Variants in PTPRT observed in about 807,000 individuals in gnomAD.
The protein encoded by PTPRT is protein tyrosine phosphatase receptor type T.
A neutral mutation model predicts 176.8 loss-of-function variants in PTPRT; 56 were observed. That is an observed-to-expected ratio of 0.32 (90% CI 0.26 to 0.40). The LOEUF is 0.40. Ranked by LOEUF, PTPRT falls within the 10% of genes least tolerant of loss-of-function variation. The probability of loss-of-function intolerance (pLI) is 1.00; values close to 1 mark genes in which losing one functional copy is unlikely to be tolerated. For synonymous variants in PTPRT, 783 were observed against 739.0 expected (o/e 1.06, Z -0.96); for missense variants, 1,540 against 1,908.2 (o/e 0.81, Z 3.60).
At chr20:42,268,393 A>G (rs1463491659) in intron 13 of PTPRT, among the ~76,000 whole-genome samples, 1 of 152,194 alleles carries the variant, frequency 6.6e-6, no homozygotes, top group Non-Finnish European at 1.5e-5. Context: ...CTCGACTGGA[A>G]TAGAGCCTAG....
intron 1 of PTPRT, among the ~76,000 whole-genome samples, chr20:43,053,863 A>T (rs1454226977): frequency 1.3e-5 from 2 of 152,228 alleles, no homozygotes; most frequent in Non-Finnish European, 2.9e-5. Context: ...GGAACAGAAG[A>T]AATGGAGGAA....
At chr20:42,671,933 C>T (rs2075419894) in intron 7 of PTPRT, among the ~76,000 whole-genome samples, 2 of 152,218 alleles carry the variant, frequency 1.3e-5, no homozygotes, top group African/African-American at 2.4e-5. Context: ...ATGGAAGAGG[C>T]AGTTATCTGC....
At chr20:42,124,693 C>A (rs964525247) in intron 19 of PTPRT, among the ~76,000 whole-genome samples, 4 of 152,178 alleles carry the variant, frequency 2.6e-5, no homozygotes, top group African/African-American at 9.7e-5. Context: ...AGTTAGCTGT[C>A]TGGAGTACTG....
intron 2 of PTPRT, among the ~76,000 whole-genome samples, chr20:42,822,382 C>T (rs1000188384): frequency 2.0e-5 from 3 of 152,144 alleles, no homozygotes; most frequent in Admixed American, 6.6e-5. Context: ...CTTCCTTATA[C>T]CTTATAGAAA....
chr20:43,186,720 T>C (rs1007349001), intron 1 of PTPRT, among the ~76,000 whole-genome samples: 7 of 152,242 alleles, frequency 4.6e-5, no homozygotes, highest in African/African-American at 1.7e-4. Context: ...AAGCCACGTT[T>C]GCACATTAAT....
chr20:42,333,800 C>T (rs934864566), intron 11 of PTPRT, among the ~76,000 whole-genome samples: 65 of 152,120 alleles, frequency 4.3e-4, no homozygotes, highest in African/African-American at 1.6e-3. Flanking sequence ...TCTGCCTCAG[C>T]CTGCTGAGTA....
intron 17 of PTPRT, among the ~76,000 whole-genome samples, chr20:42,142,510 A>C (rs992946207): frequency 6.6e-6 from 1 of 152,106 alleles, no homozygotes; most frequent in Admixed American, 6.5e-5. Context: ...CAGATTATAC[A>C]CTCTGGGAGG....
intron 2 of PTPRT, among the ~76,000 whole-genome samples, chr20:42,817,913 T>C (rs1342735810): frequency 6.6e-6 from 1 of 152,192 alleles, no homozygotes; most frequent in Non-Finnish European, 1.5e-5. Flanking sequence ...CCACAGTTTC[T>C]AGGGACCAGC....
At chr20:42,526,221 A>AT (rs1447604375) in intron 7 of PTPRT, among the ~76,000 whole-genome samples, 1 of 151,842 alleles carries the variant, frequency 6.6e-6, no homozygotes, top group Non-Finnish European at 1.5e-5. Context: ...TTCTATCTGG[A>AT]TTTTTTCTCT....
At chr20:42,274,535 CAGTGTGTG>C (rs1341223322) in intron 13 of PTPRT, among the ~76,000 whole-genome samples, 1 of 104,744 alleles carries the variant, frequency 9.5e-6, no homozygotes, top group Non-Finnish European at 1.8e-5. Context: ...AGGCCCTGTA[CAGTGTGTG>C]TGTGTGTGTG....
chr20:42,997,058 G>A (rs1321772644), intron 1 of PTPRT, among the ~76,000 whole-genome samples: 1 of 152,134 alleles, frequency 6.6e-6, no homozygotes, highest in Admixed American at 6.5e-5. Flanking sequence ...ATGGAGAATT[G>A]ACATAGCCTT....
intron 7 of PTPRT, among the ~76,000 whole-genome samples, chr20:42,592,107 G>A (rs985449496): frequency 1.3e-5 from 2 of 150,446 alleles, no homozygotes; most frequent in Admixed American, 1.3e-4. Flanking sequence ...AGCCTCCCGA[G>A]TAGCTGGGAC....
At chr20:42,359,400 G>GT (rs1356873803) in intron 9 of PTPRT, among the ~76,000 whole-genome samples, 1 of 152,190 alleles carries the variant, frequency 6.6e-6, no homozygotes, top group African/African-American at 2.4e-5. Flanking sequence ...CCCTAGAAAT[G>GT]TAAGAATGAG....
At chr20:42,337,085 A>C (rs945568250) in intron 11 of PTPRT, among the ~76,000 whole-genome samples, 3 of 152,128 alleles carry the variant, frequency 2.0e-5, no homozygotes, top group African/African-American at 7.2e-5. Context: ...TAGAGTTTGC[A>C]TCACTCTTCA....
chr20:42,281,379 G>A (rs576007981), intron 13 of PTPRT, among the ~76,000 whole-genome samples: 22 of 152,212 alleles, frequency 1.4e-4, no homozygotes, highest in Middle Eastern at 3.4e-3. Flanking sequence ...TAGTGCTTCC[G>A]TTTTCTTCTT....
At chr20:42,042,938 G>A in the PTPRT span, among the ~76,000 whole-genome samples, 1 of 152,216 alleles carries the variant, frequency 6.6e-6, no homozygotes, top group Non-Finnish European at 1.5e-5. Context: ...TGTAAGACCA[G>A]CCCATCCAGG....
intron 7 of PTPRT, among the ~76,000 whole-genome samples, chr20:42,537,420 T>C (rs1295843082): frequency 6.6e-6 from 1 of 152,202 alleles, no homozygotes; most frequent in Non-Finnish European, 1.5e-5. Context: ...TTCTTTCAAA[T>C]AAAATTATTC....
intron 7 of PTPRT, among the ~76,000 whole-genome samples, chr20:42,623,057 C>G (rs1028210617): frequency 6.6e-6 from 1 of 152,182 alleles, no homozygotes. Flanking sequence ...AAATCATCTT[C>G]CCACTCCATT....
intron 1 of PTPRT, among the ~76,000 whole-genome samples, chr20:43,180,601 C>G (rs969009135): frequency 3.3e-5 from 5 of 151,986 alleles, no homozygotes; most frequent in African/African-American, 1.2e-4. Context: ...GTAGCTGGGA[C>G]TACAGGCACA....
Sources: gnomAD v4.1 joint callset for allele counts (sites outside exome capture counted in the v4.1 genomes callset) on GRCh38, gnomAD v4.1.1 for gene constraint, MANE v1.5 for transcripts, NCBI Gene and HGNC (gene_info 2026-07-23, HGNC 2026-07-21) for gene names.